CHD9: variants seen among roughly 807,000 people sequenced by gnomAD.
CHD9 encodes ATP-dependent chromatin remodeler CHD9.
Under a neutral mutation model 316.1 loss-of-function variants are expected in CHD9, and 77 were observed. The observed-to-expected ratio is 0.24, with a 90% CI of 0.20 to 0.29. The LOEUF is 0.29. Ranked by LOEUF, CHD9 falls within the 10% of genes least tolerant of loss-of-function variation. The pLI is 1.00. For synonymous variants in CHD9, 1,129 were observed against 1,158.3 expected (o/e 0.97, Z 0.51); for missense variants, 2,763 against 3,438.1 (o/e 0.80, Z 4.91).
At chr16:53,082,659 A>T in intron 1 of CHD9, among the ~76,000 whole-genome samples, 1 of 152,222 alleles carries the variant, frequency 6.6e-6, no homozygotes, top group East Asian at 1.9e-4. Context: ...AACCCTGGAA[A>T]CCTTCCCAGG....
chr16:53,290,508 A>G lies in CHD9; in HGVS notation c.5248-1217A>G, dbSNP rs1417421155. On this transcript the variant is annotated intron_variant, in intron 27 of 38. Coordinates refer to ENST00000447540, the MANE Select transcript of CHD9 (RefSeq NM_001308319.2). Reference sequence around the variant, plus strand: ...GGCAAAAAAAAAAAAGTATGAGAGGAGCTGGATGCAGTGGCTCATGCCTGT... The same window carrying G: ...GGCAAAAAAAAAAAAGTATGAGAGGGGCTGGATGCAGTGGCTCATGCCTGT... Among the ~76,000 whole-genome samples, 4 of 150,920 alleles carry G rather than the reference A, an allele frequency of 2.7e-5. No homozygotes were observed. In the East Asian group the frequency reaches 7.8e-4, roughly 30 times the overall value.
chr16:53,153,357 CAGAAG>C (rs1194467894), intron 1 of CHD9, among the ~76,000 whole-genome samples: 1 of 152,062 alleles, frequency 6.6e-6, no homozygotes, highest in Non-Finnish European at 1.5e-5. Flanking sequence ...ATTGATGACT[CAGAAG>C]AGAAGAAAGA....
At chr16:53,143,217 G>C (rs1357924437) in intron 1 of CHD9, among the ~76,000 whole-genome samples, 1 of 151,944 alleles carries the variant, frequency 6.6e-6, no homozygotes, top group Non-Finnish European at 1.5e-5. Context: ...TAATGCAGTT[G>C]GATTATCAGA....
chr16:53,113,116 C>G (rs1049140254), intron 1 of CHD9, among the ~76,000 whole-genome samples: 1 of 152,170 alleles, frequency 6.6e-6, no homozygotes, highest in East Asian at 1.9e-4. Flanking sequence ...CCTGGGAGGC[C>G]GAGTTTGCAG....
chr16:53,311,028 A>T (rs1555547868), intron 34 of CHD9: 1 of 152,064 alleles, frequency 6.6e-6, no homozygotes, highest in Non-Finnish European at 1.5e-5. Context: ...TCTGAAAAAA[A>T]TTTAAAAATT....
At chr16:53,269,799 C>T (rs568165384) in intron 22 of CHD9, among the ~76,000 whole-genome samples, 94 of 152,142 alleles carry the variant, frequency 6.2e-4, no homozygotes, top group Non-Finnish European at 1.1e-3. Flanking sequence ...TGCCCCAATC[C>T]CACCCCTACC....
At chr16:53,249,554 T>C (rs34211310) in intron 16 of CHD9, among the ~76,000 whole-genome samples, 19,287 of 152,180 alleles carry the variant, frequency 0.13, 1,360 homozygotes, top group South Asian at 0.23. Context: ...AAAAAAGTAA[T>C]ATATTATGAT....
At chr16:53,139,018 T>A (rs1049485976) in intron 1 of CHD9, among the ~76,000 whole-genome samples, 1 of 152,108 alleles carries the variant, frequency 6.6e-6, no homozygotes, top group Non-Finnish European at 1.5e-5. Flanking sequence ...GCGTAAGTCT[T>A]TTTGAAAGGC....
chr16:53,146,436 T>TATATATATATATATAA (rs1385131635), intron 1 of CHD9, among the ~76,000 whole-genome samples: 1 of 130,972 alleles, frequency 7.6e-6, no homozygotes, highest in African/African-American at 3.1e-5. Flanking sequence ...TATATATATA[T>TATATATATATATATAA]AATTAAAAAG....
intron 24 of CHD9, among the ~76,000 whole-genome samples, chr16:53,285,113 A>ACAGGGCATT (rs1203475834): frequency 6.6e-6 from 1 of 152,182 alleles, no homozygotes; most frequent in Non-Finnish European, 1.5e-5. Flanking sequence ...ATTTGCTATT[A>ACAGGGCATT]CAGGGCATTT....
chr16:53,066,384 T>C lies in CHD9; in HGVS notation c.-165+11307T>C, dbSNP rs530480606. Among the ~76,000 whole-genome samples the C allele has an allele frequency of 3.0e-4, 45 of 152,332 alleles. No individual in the cohort carries two copies. In the Middle Eastern group the frequency reaches 0.01, roughly 35 times the overall value. On this transcript the variant is annotated intron_variant, in intron 1 of 38. Coordinates refer to ENST00000447540, the MANE Select transcript of CHD9 (RefSeq NM_001308319.2). ...GCTTAACTAAAGAGTTAGGAGTCAG[T>C]ATTTTGAAGCAAGCAGACCTTTTAC... is the stretch of plus-strand genomic sequence containing the variant.
At position 53,209,626 on chromosome 16, in the gene CHD9, G is replaced by A; in HGVS notation, c.1597G>A (p.Ala533Thr). The change falls in exon 3 of 39, where the codon GCC (alanine) becomes ACC (threonine). Residue 533 changes from alanine to threonine, a missense_variant. Coordinates refer to ENST00000447540, the MANE Select transcript of CHD9 (RefSeq NM_001308319.2). ...QEKANRIISE[A>T]IAKAKERGER... ...AAAGGCTAATCGTATAATATCAGAGGCCATAGCAAAAGCAAAGGAGCGTGG... is the reference window on the plus strand; with the variant it reads ...AAAGGCTAATCGTATAATATCAGAGACCATAGCAAAAGCAAAGGAGCGTGG... The A allele has an allele frequency of 9.3e-6, 15 of 1,613,830 alleles. No homozygotes were observed. Among genetic ancestry groups the A allele is most frequent in the Non-Finnish European group, 1.3e-5 (15 of 1,179,816 alleles).
chr16:53,067,399 C>G (rs903350769), intron 1 of CHD9, among the ~76,000 whole-genome samples: 25 of 152,086 alleles, frequency 1.6e-4, no homozygotes, highest in African/African-American at 5.3e-4. Context: ...ATTTAATGTT[C>G]GTTTTCTGTC....
At chr16:53,101,120 C>T (rs7199440) in intron 1 of CHD9, among the ~76,000 whole-genome samples, 63,506 of 151,878 alleles carry the variant, frequency 0.42, 14,116 homozygotes, top group East Asian at 0.58. Flanking sequence ...ATCTAACAAG[C>T]AGCCCCACAT....
intron 1 of CHD9, among the ~76,000 whole-genome samples, chr16:53,055,673 C>T (rs2032004242): frequency 1.3e-5 from 2 of 152,164 alleles, no homozygotes; most frequent in Admixed American, 6.5e-5. Flanking sequence ...TTCCCTCCTC[C>T]TCCTATTCCT....
At chr16:53,304,691 TTC>T (rs1567659104) in intron 31 of CHD9, 66 bp downstream of exon 31, 2 of 922,188 alleles carry the variant, frequency 2.2e-6, no homozygotes, top group Non-Finnish European at 2.9e-6. Flanking sequence ...TTCTTTTCTT[TTC>T]TTTTTTTTTT....
chr16:53,056,950 T>C (rs563111535), intron 1 of CHD9, among the ~76,000 whole-genome samples: 3 of 151,950 alleles, frequency 2.0e-5, no homozygotes, highest in African/African-American at 7.2e-5. Context: ...GAGTTTCAGA[T>C]CAGCCTGTGC....
chr16:53,162,664 T>G (rs1488078185), intron 2 of CHD9, among the ~76,000 whole-genome samples: 2 of 152,206 alleles, frequency 1.3e-5, no homozygotes, highest in Non-Finnish European at 2.9e-5. Flanking sequence ...TTTTGATAGA[T>G]TTTGTAGTTT....
chr16:53,129,191 C>A (rs1395893780), intron 1 of CHD9, among the ~76,000 whole-genome samples: 1 of 152,202 alleles, frequency 6.6e-6, no homozygotes, highest in Non-Finnish European at 1.5e-5. Context: ...AAAACACGAA[C>A]GTTCTCTATC....
Sources: gnomAD v4.1 joint callset for allele counts (sites outside exome capture counted in the v4.1 genomes callset) on GRCh38, gnomAD v4.1.1 for gene constraint, MANE v1.5 for transcripts, NCBI Gene and HGNC (gene_info 2026-07-23, HGNC 2026-07-21) for gene names.